Variants in MASP2 observed in about 807,000 individuals in gnomAD.
MASP2 encodes the protein MBL associated serine protease 2.
In MASP2, 49 loss-of-function variants were observed where a neutral mutation model predicts 57.1. The ratio of observed to expected loss-of-function variants is 0.86; its 90% CI spans 0.68 to 1.09. The LOEUF (loss-of-function observed/expected upper bound fraction) is 1.09. MASP2 is among the 50% of genes least tolerant of loss of function. MASP2 has a pLI of 0.00. For missense variants in MASP2, 900 were observed against 874.8 expected, an observed-to-expected ratio of 1.03 and a Z score of -0.36; for synonymous variants, 379 against 340.8, an observed-to-expected ratio of 1.11 and a Z score of -1.24.
intron 6 of MASP2, among the ~76,000 whole-genome samples, chr1:11,040,571 T>C (rs992481254): frequency 7.7e-6 from 1 of 129,846 alleles, no homozygotes; most frequent in African/African-American, 3.0e-5. Flanking sequence ...ATGGATAGGA[T>C]TGGTAGGTAG....
Position 11,027,368 on chromosome 1 carries a change from A to G in MASP2, c.1578T>C (p.Asp526=). The G allele has an allele frequency of 3.7e-6, 6 of 1,614,248 alleles. No individual in the cohort carries two copies. Among genetic ancestry groups the G allele is most frequent in the Non-Finnish European group, 5.1e-6 (6 of 1,180,044 alleles). ...AVFIHEGYTH[D]AGFDNDIALI... ...GTGCTATGTCATTGTCAAAGCCAGC[A>G]TCATGAGTATAACCTTCATGTATAA... The change falls in exon 11 of 11, where the codon GAT becomes GAC. Residue 526 remains aspartate (D), a synonymous_variant. Coordinates refer to ENST00000400897, the MANE Select transcript of MASP2 (RefSeq NM_006610.4).
Position 11,047,199 on chromosome 1 carries a change from C to A in MASP2, c.5+4G>T, listed in dbSNP as rs767040375. 6 of 1,562,790 alleles carry A rather than the reference C, an allele frequency of 3.8e-6. No homozygotes were observed. In the South Asian group the frequency reaches 4.7e-5, roughly 12 times the overall value. On this transcript the variant is annotated splice_donor_region_variant and intron_variant, in intron 1 of 10. Transcript: ENST00000400897. The stretch of plus-strand genomic sequence containing the variant: ...CTGCAGGGAGGCTGTGGGCGCCCAC[C>A]TACCTCATGGTGTGCCCGTCCAGCT...
intron 4 of MASP2, among the ~76,000 whole-genome samples, chr1:11,044,598 C>A (rs1267888433): frequency 6.6e-6 from 1 of 152,152 alleles, no homozygotes; most frequent in Non-Finnish European, 1.5e-5. Flanking sequence ...CCTCTGGGGA[C>A]CTGGACTCGA....
intron 6 of MASP2, among the ~76,000 whole-genome samples, chr1:11,038,142 C>T (rs906590918): frequency 3.9e-5 from 6 of 152,110 alleles, no homozygotes; most frequent in Admixed American, 1.3e-4. Context: ...AGTGTAACTC[C>T]GAGGAAAAGA....
At position 11,034,820 on chromosome 1, in the gene MASP2, G is replaced by A. The variant is rs369543396; in HGVS notation, c.1087+8C>T. The stretch of plus-strand genomic sequence containing the variant: ...GTTATGGGGCCTGTAGTCACCACAC[G>A]ACCGTACTGCTGCACGCGGGCATTG... On this transcript the variant is annotated splice_region_variant and intron_variant, in intron 8 of 10. Coordinates refer to ENST00000400897, the MANE Select transcript of MASP2 (RefSeq NM_006610.4). 3.9e-5 allele frequency: 63 copies of A among 1,607,158 alleles called. No individual in the cohort carries two copies. Among genetic ancestry groups the A allele is most frequent in the Non-Finnish European group, 3.1e-5 (37 of 1,176,542 alleles).
At chr1:11,044,769 CT>C in intron 4 of MASP2, 19 of 1,343,936 alleles carry the variant, frequency 1.4e-5, no homozygotes, top group Non-Finnish European at 1.5e-5. Flanking sequence ...CCTCCCGACC[CT>C]CCCACCCCAG....
rs763804521 is a variant in MASP2 at position 11,037,771 on chromosome 1, G to A, written c.930C>T (p.His310=). ...TGTATTTGGCTTGCACAGGTGAAAC[G>A]TGGCCATTAGGTGGCGCCATCGGAT... ...CPYPMAPPNG[H]VSPVQAKYIL... is the part of the protein sequence containing the mutation. The change falls in exon 7 of 11, where the codon CAC becomes CAT. Residue 310 remains histidine (H), a synonymous_variant. Transcript: ENST00000400897. The A allele has an allele frequency of 6.8e-6, 11 of 1,612,992 alleles. No individual in the cohort carries two copies. The South Asian group carries it at 1.1e-4, about 16-fold the overall frequency.
chr1:11,042,149 TGGATGGAA>T (rs1638474198), intron 6 of MASP2, among the ~76,000 whole-genome samples: 1 of 149,974 alleles, frequency 6.7e-6, no homozygotes, highest in African/African-American at 2.5e-5. Context: ...CATGGATACA[TGGATGGAA>T]GGATGGATGG....
intron 10 of MASP2, 45 bp from the exon 11 acceptor site, chr1:11,027,693 A>G (rs1643763307): frequency 2.6e-6 from 4 of 1,530,476 alleles, no homozygotes; most frequent in Non-Finnish European, 3.5e-6. Flanking sequence ...TAAAAATGTC[A>G]ATCGTGTTTT....
chr1:11,030,673 T>G, intron 9 of MASP2, 75 bp downstream of exon 9: 2 of 1,477,292 alleles, frequency 1.4e-6, no homozygotes. Flanking sequence ...AAAATGTTGG[T>G]TAAAGTTTAT....
At chr1:11,043,175 C>T (rs999044826) in intron 5 of MASP2, 153 bp from the exon 6 acceptor site, 13 of 992,036 alleles carry the variant, frequency 1.3e-5, no homozygotes, top group South Asian at 3.2e-5. Context: ...GCCTCCCACA[C>T]TTGTACTCGA....
At chr1:11,044,531 C>G (rs1390679758) in intron 4 of MASP2, among the ~76,000 whole-genome samples, 1 of 152,164 alleles carries the variant, frequency 6.6e-6, no homozygotes, top group Non-Finnish European at 1.5e-5. Context: ...CTCTGTGGGT[C>G]AGGCTCCTCC....
intron 8 of MASP2, 27 bp downstream of exon 8, chr1:11,034,801 G>A (rs1643875874): frequency 6.5e-7 from 1 of 1,540,256 alleles, no homozygotes; most frequent in African/African-American, 1.4e-5. Context: ...GGCGGTTATG[G>A]GGCCTGTAGT....
At chr1:11,039,159 T>C (rs1205461637) in intron 6 of MASP2, among the ~76,000 whole-genome samples, 1 of 152,242 alleles carries the variant, frequency 6.6e-6, no homozygotes, top group Non-Finnish European at 1.5e-5. Context: ...TCCTTTGGAC[T>C]CTCACATTGC....
intron 6 of MASP2, among the ~76,000 whole-genome samples, chr1:11,041,396 ATGGATGAG>A (rs1638429117): frequency 3.7e-5 from 3 of 82,150 alleles, no homozygotes; most frequent in African/African-American, 1.2e-4. Flanking sequence ...GGATGGATGG[ATGGATGAG>A]TGGATGGATG....
At chr1:11,045,115 A>T (rs942593214) in intron 4 of MASP2, 7 of 768,314 alleles carry the variant, frequency 9.1e-6, no homozygotes, top group African/African-American at 1.7e-5. Flanking sequence ...AACGAGGGCT[A>T]GATACCCCCG....
At position 11,046,746 on chromosome 1, in the gene MASP2, G is replaced by C; in HGVS notation, c.235-13C>G. 1 of 1,608,850 alleles carries C rather than the reference G, an allele frequency of 6.2e-7. No individual in the cohort carries two copies. The highest frequency in any genetic ancestry group is 8.5e-7 in the Non-Finnish European group (1 of 1,177,712). On this transcript the variant is annotated splice_polypyrimidine_tract_variant and intron_variant, in intron 2 of 10. Coordinates refer to ENST00000400897, the MANE Select transcript of MASP2 (RefSeq NM_006610.4). ...CCCCCGAGCTCAGCTGTGGGGTCAG[G>C]TGTCACAGGGAGTGAAGGCAAGACC... is the stretch of plus-strand genomic sequence containing the variant.
rs369847808 is a variant in MASP2 at position 11,046,644 on chromosome 1, C to T, written c.324G>A (p.Ser108=). 13 of 1,613,494 alleles carry T rather than the reference C, an allele frequency of 8.1e-6. No individual in the cohort carries two copies. The African/African-American group carries it at 1.2e-4, about 15-fold the overall frequency. The change falls in exon 3 of 11, where the codon TCG becomes TCA. Residue 108 remains serine, a synonymous_variant. Transcript: ENST00000400897. ...AGGTAATGTCCAGGCTGGAGCCCAG[C>T]GAGTAGAAAGTGTCCTTGCCAGGGG... The part of the protein sequence containing the change: ...ERAPGKDTFY[S]LGSSLDITFR...
intron 8 of MASP2, among the ~76,000 whole-genome samples, chr1:11,034,005 A>G (rs1356378019): frequency 6.6e-6 from 1 of 151,430 alleles, no homozygotes; most frequent in Non-Finnish European, 1.5e-5. Context: ...TGGGAGGCCC[A>G]GGTGGGCAGA....
Sources: gnomAD v4.1 joint callset for allele counts (sites outside exome capture counted in the v4.1 genomes callset) on GRCh38, gnomAD v4.1.1 for gene constraint, MANE v1.5 for transcripts, NCBI Gene and HGNC (gene_info 2026-07-23, HGNC 2026-07-21) for gene names.